LCLAT1: variants seen among roughly 807,000 people sequenced by gnomAD.
LCLAT1 encodes lysocardiolipin acyltransferase 1.
A neutral mutation model predicts 30.7 loss-of-function variants in LCLAT1; 11 were observed. The observed-to-expected ratio is 0.36, with a 90% CI of 0.23 to 0.59. The LOEUF (loss-of-function observed/expected upper bound fraction) is 0.59. Among genes scored for constraint, LCLAT1 ranks in the 20% least tolerant of loss-of-function variants. The probability of loss-of-function intolerance (pLI) is 0.77; values close to 1 mark genes in which losing one functional copy is unlikely to be tolerated. For missense variants in LCLAT1, 402 were observed against 458.6 expected (o/e 0.88, Z 1.13); for synonymous variants, 155 against 151.3 (o/e 1.02, Z -0.18).
At chr2:30,605,048 T>C (rs1667370985) in intron 5 of LCLAT1, among the ~76,000 whole-genome samples, 1 of 152,220 alleles carries the variant, frequency 6.6e-6, no homozygotes, top group Non-Finnish European at 1.5e-5. Flanking sequence ...TTAACATGGG[T>C]CATTCTGATA....
At chr2:30,593,315 TAGAC>T (rs1043121383) in intron 5 of LCLAT1, among the ~76,000 whole-genome samples, 5 of 149,084 alleles carry the variant, frequency 3.4e-5, no homozygotes, top group East Asian at 2.0e-4. Context: ...CATCCGTTGA[TAGAC>T]AGGTTCTAAG....
chr2:30,551,986 T>G (rs1664701070), intron 3 of LCLAT1, among the ~76,000 whole-genome samples: 1 of 152,196 alleles, frequency 6.6e-6, no homozygotes, highest in Non-Finnish European at 1.5e-5. Context: ...AATTCCCCTT[T>G]GCTGTATAAC....
intron 1 of LCLAT1, among the ~76,000 whole-genome samples, chr2:30,453,287 G>A (rs1417734690): frequency 6.6e-6 from 1 of 152,112 alleles, no homozygotes; most frequent in Non-Finnish European, 1.5e-5. Flanking sequence ...TGGTGGCGGC[G>A]GTTCTTCCAG....
chr2:30,625,292 A>C (rs979786870), intron 5 of LCLAT1, among the ~76,000 whole-genome samples: 1 of 152,184 alleles, frequency 6.6e-6, no homozygotes, highest in Non-Finnish European at 1.5e-5. Context: ...AATGAAACAA[A>C]AAGCTGGCTG....
chr2:30,558,441 A>T (rs1665033673), intron 3 of LCLAT1, among the ~76,000 whole-genome samples: 1 of 152,028 alleles, frequency 6.6e-6, no homozygotes, highest in South Asian at 2.1e-4. Flanking sequence ...CTCTACTAAA[A>T]ATACAAAAAT....
chr2:30,603,297 T>A (rs1411156832), intron 5 of LCLAT1, among the ~76,000 whole-genome samples: 2 of 151,952 alleles, frequency 1.3e-5, no homozygotes, highest in Non-Finnish European at 2.9e-5. Context: ...AAACCTAGCG[T>A]GTCTAGAGAT....
intron 1 of LCLAT1, among the ~76,000 whole-genome samples, chr2:30,520,909 A>G (rs1189528300): frequency 6.6e-6 from 1 of 152,224 alleles, no homozygotes; most frequent in Non-Finnish European, 1.5e-5. Flanking sequence ...GTGAACTGGA[A>G]CAAATCCATC....
intron 5 of LCLAT1, among the ~76,000 whole-genome samples, chr2:30,575,002 G>T (rs1351921063): frequency 6.6e-6 from 1 of 152,140 alleles, no homozygotes; most frequent in East Asian, 1.9e-4. Flanking sequence ...GTCCTAGTCT[G>T]TGTGGCTCTT....
intron 1 of LCLAT1, among the ~76,000 whole-genome samples, chr2:30,493,163 T>C (rs939387635): frequency 6.6e-6 from 1 of 152,164 alleles, no homozygotes; most frequent in African/African-American, 2.4e-5. Context: ...TTTGTCTCCC[T>C]CCCTCCTAAG....
intron 1 of LCLAT1, among the ~76,000 whole-genome samples, chr2:30,511,708 G>T (rs1032854474): frequency 6.6e-6 from 1 of 152,184 alleles, no homozygotes; most frequent in African/African-American, 2.4e-5. Context: ...TCTTAGAGTG[G>T]TGACCATGCC....
At chr2:30,592,307 C>T (rs1036307480) in intron 5 of LCLAT1, among the ~76,000 whole-genome samples, 2 of 151,970 alleles carry the variant, frequency 1.3e-5, no homozygotes, top group Non-Finnish European at 2.9e-5. Context: ...ATAGGGAGAC[C>T]CTGTCTCTAC....
At chr2:30,562,121 A>G (rs2148441104) in intron 3 of LCLAT1, 25 bp from the exon 4 acceptor site, 1 of 1,558,428 alleles carries the variant, frequency 6.4e-7, no homozygotes, top group East Asian at 2.3e-5. Context: ...ATTATAGGTA[A>G]ATTTTATTGT....
At chr2:30,540,412 A>G (rs1558507129) in intron 3 of LCLAT1, among the ~76,000 whole-genome samples, 1 of 152,324 alleles carries the variant, frequency 6.6e-6, no homozygotes, top group Non-Finnish European at 1.5e-5. Context: ...ATAATGTTGC[A>G]GTGATTTTCT....
intron 5 of LCLAT1, among the ~76,000 whole-genome samples, chr2:30,609,715 CA>C (rs1667639443): frequency 1.3e-5 from 2 of 152,146 alleles, no homozygotes; most frequent in Non-Finnish European, 2.9e-5. Flanking sequence ...CCTTTGAACT[CA>C]TAGTGTTCAT....
At chr2:30,544,802 TC>T (rs1664322015) in intron 3 of LCLAT1, among the ~76,000 whole-genome samples, 1 of 152,210 alleles carries the variant, frequency 6.6e-6, no homozygotes, top group Non-Finnish European at 1.5e-5. Flanking sequence ...AGACTTAAGG[TC>T]CATAATCTTT....
intron 2 of LCLAT1, among the ~76,000 whole-genome samples, chr2:30,531,252 G>A (rs969718930): frequency 6.6e-6 from 1 of 152,082 alleles, no homozygotes; most frequent in Non-Finnish European, 1.5e-5. Context: ...GCGACAGAGT[G>A]AGACTCCGTC....
At chr2:30,557,040 G>A (rs924556994) in intron 3 of LCLAT1, among the ~76,000 whole-genome samples, 10 of 151,856 alleles carry the variant, frequency 6.6e-5, no homozygotes, top group Admixed American at 5.2e-4. Flanking sequence ...CACCATGCCC[G>A]GCCTAGAAAC....
chr2:30,447,843 C>T (rs968283043), intron 1 of LCLAT1, among the ~76,000 whole-genome samples: 1 of 152,206 alleles, frequency 6.6e-6, no homozygotes, highest in Non-Finnish European at 1.5e-5. Flanking sequence ...TGCGGGGCTT[C>T]GACGAGAGCC....
intron 3 of LCLAT1, among the ~76,000 whole-genome samples, chr2:30,547,175 A>G (rs1254583813): frequency 3.3e-5 from 5 of 152,100 alleles, no homozygotes; most frequent in African/African-American, 1.2e-4. Context: ...GTGTGTTTGA[A>G]GCTCCACCTG....
Sources: gnomAD v4.1 joint callset for allele counts (sites outside exome capture counted in the v4.1 genomes callset) on GRCh38, gnomAD v4.1.1 for gene constraint, MANE v1.5 for transcripts, NCBI Gene and HGNC (gene_info 2026-07-23, HGNC 2026-07-21) for gene names.